TRIM9: variants seen among roughly 807,000 people sequenced by gnomAD.
TRIM9 encodes the protein tripartite motif containing 9.
Under a neutral mutation model 78.3 loss-of-function variants are expected in TRIM9, and 26 were observed. That is an observed-to-expected ratio of 0.33 (90% CI 0.24 to 0.46). The LOEUF is 0.46. Ranked by LOEUF, TRIM9 falls within the 20% of genes least tolerant of loss-of-function variation. The pLI, the probability that TRIM9 is intolerant of heterozygous loss-of-function variation, is 1.00. For synonymous variants in TRIM9, 398 were observed against 416.5 expected (o/e 0.96, Z 0.54); for missense variants, 787 against 1,036.4 (o/e 0.76, Z 3.30).
chr14:50,985,697 G>A (rs2052612572), intron 8 of TRIM9, among the ~76,000 whole-genome samples: 1 of 152,190 alleles, frequency 6.6e-6, no homozygotes, highest in Non-Finnish European at 1.5e-5. Flanking sequence ...ACCAGCTTGT[G>A]CGAAAAGAAT....
At chr14:50,983,117 C>A (rs2052194494) in intron 9 of TRIM9, among the ~76,000 whole-genome samples, 152 bp from the exon 10 acceptor site, 2 of 152,180 alleles carry the variant, frequency 1.3e-5, no homozygotes, top group Admixed American at 1.3e-4. Context: ...CTGACTTGTA[C>A]CTTTACCCAC....
chr14:50,993,565 T>C (rs1257092530), intron 7 of TRIM9, among the ~76,000 whole-genome samples: 10 of 152,058 alleles, frequency 6.6e-5, no homozygotes, highest in African/African-American at 2.4e-4. Context: ...ACAGGGTTTC[T>C]CCATGTTGGT....
At chr14:51,059,480 AAAAACAAAACAAAAC>A (rs369741709) in intron 1 of TRIM9, among the ~76,000 whole-genome samples, 1 of 151,830 alleles carries the variant, frequency 6.6e-6, no homozygotes, top group African/African-American at 2.4e-5. Flanking sequence ...AAGAGAATGA[AAAAACAAAACAAAAC>A]AAAACAAAAC....
At chr14:51,073,668 G>C (rs983878109) in intron 1 of TRIM9, among the ~76,000 whole-genome samples, 37 of 152,266 alleles carry the variant, frequency 2.4e-4, no homozygotes, top group African/African-American at 8.7e-4. Flanking sequence ...GAGCATGCAG[G>C]GGGCTTCTGG....
At chr14:51,060,743 A>C (rs912162590) in intron 1 of TRIM9, among the ~76,000 whole-genome samples, 2 of 152,252 alleles carry the variant, frequency 1.3e-5, no homozygotes, top group African/African-American at 4.8e-5. Flanking sequence ...CTGGGATTGC[A>C]GGCGTGAGCC....
chr14:51,043,166 CTATTA>C (rs1228932724), intron 1 of TRIM9, among the ~76,000 whole-genome samples: 18 of 152,022 alleles, frequency 1.2e-4, no homozygotes, highest in African/African-American at 4.4e-4. Context: ...TTGCTCATTT[CTATTA>C]TATATTTTGA....
chr14:50,998,210 G>C (rs754238469), intron 6 of TRIM9, 22 bp from the exon 7 acceptor site: 2 of 1,612,894 alleles, frequency 1.2e-6, no homozygotes, highest in Admixed American at 3.3e-5. Flanking sequence ...CAAAGAACAG[G>C]ACAGCACTTA....
intron 1 of TRIM9, among the ~76,000 whole-genome samples, chr14:51,056,391 A>C (rs2060898701): frequency 6.6e-6 from 1 of 152,254 alleles, no homozygotes; most frequent in Non-Finnish European, 1.5e-5. Flanking sequence ...CTATACTACT[A>C]AATACAAAGG....
At chr14:51,040,488 T>G (rs1174491276) in intron 1 of TRIM9, among the ~76,000 whole-genome samples, 6 of 152,198 alleles carry the variant, frequency 3.9e-5, no homozygotes, top group African/African-American at 1.4e-4. Flanking sequence ...ATGCCTACTT[T>G]GAGAAGTGGC....
At chr14:51,080,256 G>A (rs1275246017) in intron 1 of TRIM9, among the ~76,000 whole-genome samples, 1 of 151,880 alleles carries the variant, frequency 6.6e-6, no homozygotes, top group African/African-American at 2.4e-5. Context: ...TACTTATAAT[G>A]AGGGAACATT....
At chr14:50,986,474 C>T (rs2052727128) in intron 7 of TRIM9, 2 of 179,740 alleles carry the variant, frequency 1.1e-5, no homozygotes, top group Non-Finnish European at 2.3e-5. Flanking sequence ...CAAATTTTAC[C>T]TATTGATGAC....
intron 3 of TRIM9, among the ~76,000 whole-genome samples, chr14:51,019,428 A>G (rs758803353): frequency 3.7e-4 from 56 of 152,230 alleles, no homozygotes; most frequent in Non-Finnish European, 6.5e-4. Flanking sequence ...TCCCTCAAAC[A>G]TGTCCACATC....
At chr14:51,025,456 G>T in intron 1 of TRIM9, 96 bp from the exon 2 acceptor site, 1 of 1,036,318 alleles carries the variant, frequency 9.6e-7, no homozygotes, top group Admixed American at 2.1e-5. Context: ...AACCTCCTCA[G>T]ATTCCTCTTG....
At chr14:51,049,824 CAA>C (rs202227387) in intron 1 of TRIM9, among the ~76,000 whole-genome samples, 1 of 122,538 alleles carries the variant, frequency 8.2e-6, no homozygotes, top group African/African-American at 3.1e-5. Flanking sequence ...GACTCTGTCT[CAA>C]AAAAAAAAAT....
chr14:51,076,554 C>A (rs767110836), intron 1 of TRIM9, among the ~76,000 whole-genome samples: 3 of 152,200 alleles, frequency 2.0e-5, no homozygotes, highest in Non-Finnish European at 4.4e-5. Context: ...TTACAAAAGG[C>A]TTTCTCATAC....
intron 1 of TRIM9, among the ~76,000 whole-genome samples, chr14:51,081,062 A>G (rs2063265523): frequency 6.6e-6 from 1 of 152,148 alleles, no homozygotes; most frequent in Non-Finnish European, 1.5e-5. Context: ...TCCTCCTGTG[A>G]GTGTCTGAGA....
At chr14:50,990,416 C>G (rs917611394) in intron 7 of TRIM9, among the ~76,000 whole-genome samples, 1 of 152,156 alleles carries the variant, frequency 6.6e-6, no homozygotes, top group African/African-American at 2.4e-5. Context: ...ATAAAGTTGG[C>G]AGGAGACTCA....
At chr14:51,052,036 AG>A (rs1020623214) in intron 1 of TRIM9, among the ~76,000 whole-genome samples, 8 of 136,916 alleles carry the variant, frequency 5.8e-5, no homozygotes, top group Admixed American at 4.3e-4. Flanking sequence ...AGGGGAGGGG[AG>A]GGAAAAGAAG....
At chr14:51,054,491 G>T (rs1318647348) in intron 1 of TRIM9, among the ~76,000 whole-genome samples, 2 of 151,482 alleles carry the variant, frequency 1.3e-5, no homozygotes, top group Non-Finnish European at 2.9e-5. Flanking sequence ...GCCTAGGCTA[G>T]TCTGGAACTC....
Sources: gnomAD v4.1 joint callset for allele counts (sites outside exome capture counted in the v4.1 genomes callset) on GRCh38, gnomAD v4.1.1 for gene constraint, MANE v1.5 for transcripts, NCBI Gene and HGNC (gene_info 2026-07-23, HGNC 2026-07-21) for gene names.